The following LRMDA variants were observed in gnomAD, a reference collection of about 807,000 sequenced individuals.
LRMDA encodes the protein leucine rich melanocyte differentiation associated.
Under a neutral mutation model 29.8 loss-of-function variants are expected in LRMDA, and 18 were observed. That is an observed-to-expected ratio of 0.60 (90% CI 0.42 to 0.90). The LOEUF is 0.90. Ranked by LOEUF, LRMDA falls within the 40% of genes least tolerant of loss-of-function variation. The pLI is 0.00. For synonymous variants in LRMDA, 125 were observed against 109.4 expected, an observed-to-expected ratio of 1.14 and a Z score of -0.89; for missense variants, 273 against 273.9, an observed-to-expected ratio of 1.00 and a Z score of 0.02.
chr10:75,848,818 C>T (rs765081056), intron 2 of LRMDA, among the ~76,000 whole-genome samples: 3 of 152,200 alleles, frequency 2.0e-5, no homozygotes, highest in Non-Finnish European at 2.9e-5. Context: ...CTGGCACATC[C>T]TCTTTTCTCT....
At chr10:75,901,570 T>C (rs1235920211) in intron 2 of LRMDA, among the ~76,000 whole-genome samples, 1 of 152,220 alleles carries the variant, frequency 6.6e-6, no homozygotes, top group African/African-American at 2.4e-5. Context: ...AGAAATGTCA[T>C]GTGAAGTATT....
At chr10:76,309,801 A>G (rs1840606774) in intron 5 of LRMDA, among the ~76,000 whole-genome samples, 1 of 152,192 alleles carries the variant, frequency 6.6e-6, no homozygotes, top group Admixed American at 6.5e-5. Flanking sequence ...GGCTCCTGGT[A>G]TAATTTTACA....
At chr10:75,859,116 C>G (rs1246179087) in intron 2 of LRMDA, among the ~76,000 whole-genome samples, 1 of 152,196 alleles carries the variant, frequency 6.6e-6, no homozygotes, top group African/African-American at 2.4e-5. Context: ...TGATCCTTAG[C>G]TTTCTAATGG....
chr10:75,607,986 G>A (rs1840977722), intron 2 of LRMDA, among the ~76,000 whole-genome samples: 1 of 150,798 alleles, frequency 6.6e-6, no homozygotes, highest in Admixed American at 6.6e-5. Flanking sequence ...CCATGAGCAT[G>A]GGAGTGCAGA....
chr10:75,764,576 C>T (rs772862797), intron 2 of LRMDA, among the ~76,000 whole-genome samples: 9 of 152,134 alleles, frequency 5.9e-5, no homozygotes, highest in Non-Finnish European at 1.0e-4. Flanking sequence ...TGCATTTTTC[C>T]AGGTTAATTC....
chr10:75,857,311 T>C (rs2395331), intron 2 of LRMDA, among the ~76,000 whole-genome samples: 95,943 of 151,474 alleles, frequency 0.63, 31,283 homozygotes, highest in South Asian at 0.77. Flanking sequence ...CCGAACCTCC[T>C]TTCCAGTTGA....
At chr10:76,001,053 A>G (rs74147617) in intron 2 of LRMDA, among the ~76,000 whole-genome samples, 3,194 of 152,250 alleles carry the variant, frequency 0.021, 58 homozygotes, top group East Asian at 0.066. Flanking sequence ...AGTCAGGAAT[A>G]AAACCCAGGT....
intron 2 of LRMDA, among the ~76,000 whole-genome samples, chr10:75,763,141 C>A (rs1285426225): frequency 6.6e-6 from 1 of 152,198 alleles, no homozygotes; most frequent in African/African-American, 2.4e-5. Context: ...CTACAAAACA[C>A]CACTTTCAGT....
chr10:76,157,449 A>G (rs11001642), intron 5 of LRMDA, among the ~76,000 whole-genome samples: 5,058 of 152,120 alleles, frequency 0.033, 117 homozygotes, highest in Non-Finnish European at 0.049. Context: ...TGTTGCCAAA[A>G]AAGTTTTTTA....
At chr10:76,087,329 A>G (rs144191359) in intron 5 of LRMDA, among the ~76,000 whole-genome samples, 6 of 152,276 alleles carry the variant, frequency 3.9e-5, no homozygotes, top group Admixed American at 3.9e-4. Flanking sequence ...TTGTTCTGCG[A>G]CTTTCAGATT....
At chr10:75,738,266 T>G (rs1318168890) in intron 2 of LRMDA, among the ~76,000 whole-genome samples, 1 of 152,068 alleles carries the variant, frequency 6.6e-6, no homozygotes, top group Non-Finnish European at 1.5e-5. Flanking sequence ...GTGGGGCTGG[T>G]GCTGGCCCCA....
At chr10:76,025,595 A>G (rs1291394644) in intron 2 of LRMDA, among the ~76,000 whole-genome samples, 2 of 152,086 alleles carry the variant, frequency 1.3e-5, no homozygotes, top group African/African-American at 4.8e-5. Context: ...AATTCCTGTC[A>G]TGTTGGAAAT....
chr10:75,456,856 A>C (rs1281098872), intron 2 of LRMDA, among the ~76,000 whole-genome samples: 1 of 152,040 alleles, frequency 6.6e-6, no homozygotes, highest in Admixed American at 6.5e-5. Flanking sequence ...TTGTATTTTT[A>C]GGAGAGTCAG....
chr10:75,807,295 C>T (rs1000689907), intron 2 of LRMDA, among the ~76,000 whole-genome samples: 8 of 152,106 alleles, frequency 5.3e-5, no homozygotes, highest in East Asian at 1.9e-4. Flanking sequence ...CAAGAGAAGT[C>T]GAGCCCTTCC....
In LRMDA at chr10:75,997,694, C is replaced by T. The variant is rs377265321; in HGVS notation, c.132-38314C>T. Among the ~76,000 whole-genome samples, 4 of 152,302 alleles carry T rather than the reference C, an allele frequency of 2.6e-5. 2 individuals carry two copies. ...GAGCAGCCAGGTGGCCCCATGGAGG[C>T]ACTCACCTTGCTGGCACTCTTACCA... On this transcript the variant is annotated intron_variant, in intron 2 of 6. Coordinates refer to ENST00000611255, the MANE Select transcript of LRMDA (RefSeq NM_001305581.2).
intron 2 of LRMDA, among the ~76,000 whole-genome samples, chr10:75,812,704 C>T (rs1156613249): frequency 1.3e-5 from 2 of 152,164 alleles, no homozygotes; most frequent in Admixed American, 6.5e-5. Flanking sequence ...TATTCACATA[C>T]ATTTTCTTTT....
intron 6 of LRMDA, among the ~76,000 whole-genome samples, chr10:76,454,450 G>C (rs868145987): frequency 6.6e-6 from 1 of 152,014 alleles, no homozygotes; most frequent in African/African-American, 2.4e-5. Flanking sequence ...TACCAACTTG[G>C]CTATCCTAAA....
At chr10:75,735,635 C>A (rs1485393060) in intron 2 of LRMDA, among the ~76,000 whole-genome samples, 1 of 152,100 alleles carries the variant, frequency 6.6e-6, no homozygotes, top group Admixed American at 6.5e-5. Context: ...TTCTGTTTTC[C>A]ATGGTCAAAA....
intron 2 of LRMDA, among the ~76,000 whole-genome samples, chr10:75,619,975 A>G (rs1302068720): frequency 6.6e-6 from 1 of 152,220 alleles, no homozygotes; most frequent in Non-Finnish European, 1.5e-5. Context: ...GCTTGGTCCT[A>G]AAAGCATTAG....
Sources: allele counts gnomAD v4.1 joint callset (sites outside exome capture counted in the v4.1 genomes callset), GRCh38; gene constraint gnomAD v4.1.1; transcripts MANE v1.5; gene names NCBI Gene and HGNC (gene_info 2026-07-23, HGNC 2026-07-21).